Variants in TMEM232 observed in about 807,000 individuals in gnomAD.
TMEM232 encodes the protein transmembrane protein 232.
Under a neutral mutation model 78.8 loss-of-function variants are expected in TMEM232, and 80 were observed. That is an observed-to-expected ratio of 1.01 (90% CI 0.85 to 1.22). TMEM232 has a LOEUF of 1.22. TMEM232 is among the 50% of genes most tolerant of loss of function. The pLI is 0.00. For synonymous variants in TMEM232, 297 were observed against 254.3 expected (o/e 1.17, Z -1.60); for missense variants, 881 against 742.2 (o/e 1.19, Z -2.17).
intron 3 of TMEM232, among the ~76,000 whole-genome samples, chr5:110,392,423 T>C (rs1411113766): frequency 6.6e-6 from 1 of 152,220 alleles, no homozygotes; most frequent in African/African-American, 2.4e-5. Flanking sequence ...TAATATGCAC[T>C]GATTTGTTAG....
At chr5:110,475,119 A>T (rs1437882298) in intron 12 of TMEM232, among the ~76,000 whole-genome samples, 2 of 152,008 alleles carry the variant, frequency 1.3e-5, no homozygotes, top group East Asian at 1.9e-4. Flanking sequence ...AATTAAAATT[A>T]TGGTATTAGT....
intron 10 of TMEM232, among the ~76,000 whole-genome samples, chr5:110,582,815 A>C (rs552155348): frequency 1.3e-5 from 2 of 152,194 alleles, no homozygotes; most frequent in East Asian, 3.9e-4. Context: ...CTAATTTAGT[A>C]AACTTGAATG....
chr5:110,388,333 G>A (rs1028894828), intron 4 of TMEM232, among the ~76,000 whole-genome samples: 6 of 152,104 alleles, frequency 3.9e-5, no homozygotes, highest in Admixed American at 1.3e-4. Context: ...TGGCAAAAAA[G>A]AGAAGATTGA....
intron 12 of TMEM232, among the ~76,000 whole-genome samples, chr5:110,456,347 T>G (rs1280935849): frequency 6.6e-6 from 1 of 151,660 alleles, no homozygotes; most frequent in Admixed American, 6.6e-5. Context: ...ATCTGAAAAA[T>G]ATGAAGAATC....
At chr5:110,533,064 A>G (rs976847650) in intron 11 of TMEM232, among the ~76,000 whole-genome samples, 7 of 151,968 alleles carry the variant, frequency 4.6e-5, no homozygotes, top group African/African-American at 1.5e-4. Flanking sequence ...CTTCCTCCAC[A>G]ACCCACTATT....
At chr5:110,620,509 C>G (rs962902577) in intron 7 of TMEM232, among the ~76,000 whole-genome samples, 1 of 151,648 alleles carries the variant, frequency 6.6e-6, no homozygotes, top group African/African-American at 2.4e-5. Context: ...AGTCCAAATC[C>G]TCTAGTAGAT....
At chr5:110,477,472 T>G (rs1387622014) in intron 12 of TMEM232, among the ~76,000 whole-genome samples, 1 of 151,906 alleles carries the variant, frequency 6.6e-6, no homozygotes, top group Non-Finnish European at 1.5e-5. Context: ...TTTAGTCAAA[T>G]AATTATATGT....
At chr5:110,395,965 A>C (rs75077638) in intron 3 of TMEM232, among the ~76,000 whole-genome samples, 2,341 of 152,240 alleles carry the variant, frequency 0.015, 64 homozygotes, top group African/African-American at 0.053. Context: ...ATAATATAAG[A>C]TAGAAGGAGC....
intron 12 of TMEM232, among the ~76,000 whole-genome samples, chr5:110,446,466 C>G (rs1238314306): frequency 6.6e-6 from 1 of 152,094 alleles, no homozygotes; most frequent in Non-Finnish European, 1.5e-5. Context: ...GAAGAGTTGC[C>G]TTACCAGAGA....
chr5:110,606,076 C>T lies in TMEM232; in HGVS notation c.1026+88G>A, dbSNP rs1328200493. On this transcript the variant is annotated intron_variant, in intron 9 of 13. Transcript: ENST00000455884. ...ATTATAAAGTTATGCATACTATATG[C>T]GCTAATACGATATACAATTTAAATA... 4.4e-5 allele frequency: 57 copies of T among 1,294,998 alleles called. 2 individuals are homozygous for T. The highest frequency in any genetic ancestry group is 1.0e-4 in the East Asian group (4 of 38,428). 80.2% of individuals were successfully genotyped at this position (1,294,998 alleles called of 1,614,324 possible).
intron 10 of TMEM232, among the ~76,000 whole-genome samples, chr5:110,598,395 G>A (rs1444970586): frequency 1.6e-4 from 24 of 152,108 alleles, no homozygotes; most frequent in Admixed American, 5.2e-4. Flanking sequence ...AAATAGGAAC[G>A]CTTTTACACT....
At chr5:110,624,779 C>T (rs964440858) in intron 7 of TMEM232, among the ~76,000 whole-genome samples, 2 of 151,974 alleles carry the variant, frequency 1.3e-5, no homozygotes, top group Non-Finnish European at 2.9e-5. Flanking sequence ...TTATAGGAAG[C>T]ATGGGAAAAT....
At chr5:110,435,354 T>C (rs893451954) in intron 12 of TMEM232, among the ~76,000 whole-genome samples, 2 of 151,794 alleles carry the variant, frequency 1.3e-5, no homozygotes, top group African/African-American at 4.8e-5. Context: ...TTTTTGTGGG[T>C]ATATACTAGG....
chr5:110,490,894 T>C (rs73220776), intron 12 of TMEM232, among the ~76,000 whole-genome samples: 6,714 of 151,948 alleles, frequency 0.044, 485 homozygotes, highest in African/African-American at 0.15. Flanking sequence ...AGAAGAAAAA[T>C]AGGCGTAAAC....
intron 12 of TMEM232, among the ~76,000 whole-genome samples, chr5:110,489,903 A>G (rs1236017798): frequency 6.6e-6 from 1 of 151,900 alleles, no homozygotes; most frequent in Non-Finnish European, 1.5e-5. Flanking sequence ...AGGCGGGCGG[A>G]TCACAAGGTC....
At chr5:110,645,961 T>C (rs1787423983) in intron 2 of TMEM232, among the ~76,000 whole-genome samples, 2 of 151,608 alleles carry the variant, frequency 1.3e-5, no homozygotes, top group South Asian at 2.1e-4. Flanking sequence ...ATCCTATTTA[T>C]AATAGCAACA....
intron 7 of TMEM232, among the ~76,000 whole-genome samples, chr5:110,622,630 T>C (rs1284126037): frequency 3.3e-5 from 5 of 152,100 alleles, no homozygotes; most frequent in African/African-American, 1.2e-4. Context: ...TTTGCTATCG[T>C]GAATAATGCC....
intron 10 of TMEM232, among the ~76,000 whole-genome samples, chr5:110,577,010 C>T (rs912313926): frequency 1.3e-5 from 2 of 151,894 alleles, no homozygotes; most frequent in African/African-American, 4.8e-5. Flanking sequence ...AAAAGCATTG[C>T]AACAAAGCAA....
At chr5:110,444,380 G>A (rs1250586569) in intron 12 of TMEM232, among the ~76,000 whole-genome samples, 1 of 152,072 alleles carries the variant, frequency 6.6e-6, no homozygotes, top group Non-Finnish European at 1.5e-5. Flanking sequence ...AAGTCCCCCA[G>A]TCACTGAGCT....
Sources: gnomAD v4.1 joint callset for allele counts (sites outside exome capture counted in the v4.1 genomes callset) on GRCh38, gnomAD v4.1.1 for gene constraint, MANE v1.5 for transcripts, NCBI Gene and HGNC (gene_info 2026-07-23, HGNC 2026-07-21) for gene names.